Variants in DPYD observed in about 807,000 individuals in gnomAD.
DPYD encodes dihydropyrimidine dehydrogenase, also known as dihydropyrimidine dehydrogenase [NADP(+)].
A neutral mutation model predicts 116.2 loss-of-function variants in DPYD; 109 were observed. The observed-to-expected ratio is 0.94, with a 90% CI of 0.80 to 1.10. DPYD has a LOEUF of 1.10. Ranked by LOEUF, DPYD falls within the 50% of genes least tolerant of loss-of-function variation. The pLI is 0.00. For synonymous variants in DPYD, 440 were observed against 432.0 expected (o/e 1.02, Z -0.23); for missense variants, 1,302 against 1,254.5 (o/e 1.04, Z -0.57).
intron 8 of DPYD, among the ~76,000 whole-genome samples, chr1:97,634,352 C>T (rs1233221498): frequency 6.6e-6 from 1 of 151,824 alleles, no homozygotes; most frequent in African/African-American, 2.4e-5. Flanking sequence ...TTAAGGAACA[C>T]CAACAAAAAC....
At chr1:97,190,935 T>C (rs1055779201) in intron 20 of DPYD, among the ~76,000 whole-genome samples, 2 of 152,154 alleles carry the variant, frequency 1.3e-5, no homozygotes, top group African/African-American at 4.8e-5. Flanking sequence ...TTCTAGAGTG[T>C]CTTTCTACAA....
At chr1:97,691,499 T>C in intron 7 of DPYD, 1 of 495,510 alleles carries the variant, frequency 2.0e-6, no homozygotes, top group Non-Finnish European at 3.7e-6. Context: ...CATGCAGGCA[T>C]GCCAGATGAG....
intron 14 of DPYD, among the ~76,000 whole-genome samples, chr1:97,428,639 C>T (rs1675004822): frequency 6.6e-6 from 1 of 152,012 alleles, no homozygotes; most frequent in Non-Finnish European, 1.5e-5. Context: ...AAACAACAAC[C>T]ACTAAAAGCA....
chr1:97,175,489 C>T (rs1254057660), intron 20 of DPYD, among the ~76,000 whole-genome samples: 32 of 152,286 alleles, frequency 2.1e-4, no homozygotes, highest in Non-Finnish European at 1.5e-5. Flanking sequence ...TGTAAGCTTC[C>T]TTTGGGTTTC....
At chr1:97,514,208 C>T in intron 13 of DPYD, 1 of 985,028 alleles carries the variant, frequency 1.0e-6, no homozygotes, top group Non-Finnish European at 1.2e-6. Context: ...CTAATAAAGG[C>T]AAGTGCTCCT....
chr1:97,781,941 TAAGATC>T (rs1472529569), intron 3 of DPYD, among the ~76,000 whole-genome samples: 1 of 152,138 alleles, frequency 6.6e-6, no homozygotes, highest in East Asian at 1.9e-4. Flanking sequence ...GAAAGCTGCT[TAAGATC>T]ACACAGAAAC....
chr1:97,396,627 T>C (rs1347580234), intron 14 of DPYD, among the ~76,000 whole-genome samples: 1 of 152,074 alleles, frequency 6.6e-6, no homozygotes, highest in East Asian at 1.9e-4. Flanking sequence ...TGTTAAGGGC[T>C]GATGATAGGG....
chr1:97,337,549 C>G (rs1389087122), intron 16 of DPYD, among the ~76,000 whole-genome samples: 6 of 152,048 alleles, frequency 3.9e-5, no homozygotes. Context: ...TTCCACTGTT[C>G]TAAGACAGAA....
chr1:97,269,349 G>T (rs1429392429), intron 18 of DPYD, among the ~76,000 whole-genome samples: 1 of 152,078 alleles, frequency 6.6e-6, no homozygotes, highest in African/African-American at 2.4e-5. Flanking sequence ...CACCAGAATT[G>T]TCCTGAAAGC....
chr1:97,609,368 G>A (rs1343253789), intron 8 of DPYD, among the ~76,000 whole-genome samples: 2 of 151,818 alleles, frequency 1.3e-5, no homozygotes, highest in Non-Finnish European at 2.9e-5. Flanking sequence ...TTCTACAGAA[G>A]ATAAAGAAAA....
At position 97,589,729 on chromosome 1, in the gene DPYD, C is replaced by T. The variant is rs74414709; in HGVS notation, c.1128+3489G>A. 2.4e-3 allele frequency among the ~76,000 whole-genome samples: 360 copies of T among 152,296 alleles called. 4 individuals are homozygous for T. The highest frequency in any genetic ancestry group is 8.3e-3 in the African/African-American group (344 of 41,566). On this transcript the variant is annotated intron_variant, in intron 10 of 22. Coordinates refer to ENST00000370192, the MANE Select transcript of DPYD (RefSeq NM_000110.4). ...CTCAGAGAATGAGAATTAGACTGCACCATCAGACATATACATGTTGACATG... is the reference window on the plus strand; with the variant it reads ...CTCAGAGAATGAGAATTAGACTGCATCATCAGACATATACATGTTGACATG...
At chr1:97,741,543 T>C (rs943851639) in intron 3 of DPYD, among the ~76,000 whole-genome samples, 6 of 152,182 alleles carry the variant, frequency 3.9e-5, no homozygotes, top group Non-Finnish European at 7.3e-5. Flanking sequence ...TCTATAATTA[T>C]TCATTCAGGA....
intron 19 of DPYD, among the ~76,000 whole-genome samples, chr1:97,209,376 A>T (rs1659888261): frequency 3.3e-5 from 5 of 152,190 alleles, no homozygotes. Context: ...TAATGCTCAG[A>T]CATGCAATAG....
At chr1:97,759,250 T>G (rs1403101080) in intron 3 of DPYD, among the ~76,000 whole-genome samples, 31 of 152,192 alleles carry the variant, frequency 2.0e-4, no homozygotes, top group Admixed American at 2.0e-3. Flanking sequence ...CTTAAAGTTC[T>G]AAGAGCCCAA....
chr1:97,469,233 C>T (rs1448155888), intron 13 of DPYD, among the ~76,000 whole-genome samples: 1 of 151,830 alleles, frequency 6.6e-6, no homozygotes, highest in Non-Finnish European at 1.5e-5. Context: ...GAGGGTTACA[C>T]AAACATCATA....
At position 97,251,391 on chromosome 1, in the gene DPYD, T is replaced by TA. The variant is rs10581072; in HGVS notation, c.2300-16398dup. Among the ~76,000 whole-genome samples the TA allele has an allele frequency of 2.9e-3, 279 of 95,322 alleles. 4 individuals are homozygous for TA. Among genetic ancestry groups the TA allele is most frequent in the African/African-American group, 6.0e-3 (147 of 24,538 alleles). 62.5% of individuals were successfully genotyped at this position (95,322 alleles called of 152,430 possible). On this transcript the variant is annotated intron_variant, in intron 18 of 22. Transcript: ENST00000370192. ...TGGCCAACAAGAGTGAAACTCTGTC[T>TA]AAAAAAAAAAAAAAAAAAAAAAGAA...
intron 1 of DPYD, among the ~76,000 whole-genome samples, chr1:97,902,391 G>C (rs370716833): frequency 3.3e-5 from 5 of 151,900 alleles, no homozygotes; most frequent in Non-Finnish European, 7.4e-5. Context: ...AGTAGCATAA[G>C]AGCAAGAATT....
intron 8 of DPYD, among the ~76,000 whole-genome samples, chr1:97,637,206 C>T (rs1657618869): frequency 6.6e-6 from 1 of 152,030 alleles, no homozygotes; most frequent in Non-Finnish European, 1.5e-5. Flanking sequence ...GGAAAAACCA[C>T]ACACACCTCA....
chr1:97,208,256 C>T, intron 19 of DPYD, among the ~76,000 whole-genome samples: 1 of 129,524 alleles, frequency 7.7e-6, no homozygotes, highest in East Asian at 2.1e-4. Flanking sequence ...CTCTTTCTTT[C>T]TTTCTTTCTT....
Sources: allele counts gnomAD v4.1 joint callset (sites outside exome capture counted in the v4.1 genomes callset), GRCh38; gene constraint gnomAD v4.1.1; transcripts MANE v1.5; gene names NCBI Gene and HGNC (gene_info 2026-07-23, HGNC 2026-07-21).